The following PRLR variants were observed in gnomAD, a reference collection of about 807,000 sequenced individuals.
PRLR encodes prolactin receptor.
In PRLR, 13 loss-of-function variants were observed where a neutral mutation model predicts 40.2. That is an observed-to-expected ratio of 0.32 (90% CI 0.21 to 0.51). PRLR has a LOEUF of 0.51. Ranked by LOEUF, PRLR falls within the 20% of genes least tolerant of loss-of-function variation. The probability of loss-of-function intolerance (pLI) is 0.97; values close to 1 mark genes in which losing one functional copy is unlikely to be tolerated. For synonymous variants in PRLR, 269 were observed against 278.7 expected, an observed-to-expected ratio of 0.97 and a Z score of 0.35; for missense variants, 656 against 747.3, an observed-to-expected ratio of 0.88 and a Z score of 1.42.
chr5:35,205,664 G>C lies in PRLR; in HGVS notation c.-106+24604C>G, dbSNP rs143734118. 3.1e-4 allele frequency among the ~76,000 whole-genome samples: 47 copies of C among 152,196 alleles called. No homozygotes were observed. The East Asian group carries it at 8.3e-3, about 27-fold the overall frequency. ...ACTATGGGGGTTGGGCTGGGAGAAA[G>C]AAAAAGCCCCTAAAGAAGAACATAC... is the stretch of plus-strand genomic sequence containing the variant. On this transcript the variant is annotated intron_variant, in intron 1 of 9. Transcript: ENST00000618457.
Position 35,070,241 on chromosome 5 carries a change from CTGTT to C in PRLR, c.564_567del (p.Thr189SerfsTer43). The C allele has an allele frequency of 6.2e-7, 1 of 1,613,988 alleles. No individual in the cohort carries two copies. On this transcript the variant is annotated frameshift_variant, in exon 7 of 10. Transcript: ENST00000618457. LOFTEE classifies it high-confidence loss of function. ...GGATGTAGGCTGAGAATCTTAAACT[CTGTT>C]TGCTGCCCAGCAAAATGGATCTAAG...
intron 1 of PRLR, among the ~76,000 whole-genome samples, chr5:35,162,636 C>T (rs554361904): frequency 6.6e-5 from 10 of 152,252 alleles, no homozygotes; most frequent in South Asian, 2.1e-4. Context: ...CAGAGCTGAG[C>T]GGGATCTCAG....
At chr5:35,140,290 A>C (rs77063117) in intron 1 of PRLR, among the ~76,000 whole-genome samples, 4,950 of 152,298 alleles carry the variant, frequency 0.033, 298 homozygotes, top group African/African-American at 0.11. Flanking sequence ...ATTATTCCTG[A>C]AGCTTTTCAC....
At chr5:35,191,282 G>T (rs1188758398) in intron 1 of PRLR, among the ~76,000 whole-genome samples, 1 of 137,154 alleles carries the variant, frequency 7.3e-6, no homozygotes. Flanking sequence ...GTTTTAGCCG[G>T]GATGGTCTCG....
chr5:35,065,772 A>T lies in PRLR; in HGVS notation c.1186T>A (p.Cys396Ser). The T allele has an allele frequency of 6.2e-7, 1 of 1,614,096 alleles. No homozygotes were observed. ...GGGATTTTGCCTTCCATGCTTATGCACTGGGGGTCCCAGGTGTGGGTTGTT... is the reference window on the plus strand; with the variant it reads ...GGGATTTTGCCTTCCATGCTTATGCTCTGGGGGTCCCAGGTGTGGGTTGTT... ...PETTHTWDPQ[C>S]ISMEGKIPYF... is the part of the protein sequence containing the mutation. Residue 396 changes from cysteine (C) to serine (S), a missense_variant, in exon 10 of 10, where the codon TGC becomes AGC. Cys to Ser is a moderately radical substitution (Grantham distance 112). Coordinates refer to ENST00000618457, the MANE Select transcript of PRLR (RefSeq NM_000949.7).
intron 1 of PRLR, among the ~76,000 whole-genome samples, chr5:35,162,510 C>T (rs570033982): frequency 2.0e-5 from 3 of 152,264 alleles, no homozygotes; most frequent in South Asian, 2.1e-4. Flanking sequence ...TGAATTTTAC[C>T]GGATTCTTAT....
In PRLR at chr5:35,230,253, G is replaced by T. The variant is rs558495987; in HGVS notation, c.-106+15C>A. On this transcript the variant is annotated intron_variant, in intron 1 of 9. Coordinates refer to ENST00000618457, the MANE Select transcript of PRLR (RefSeq NM_000949.7). ...GCGCCGTCGGAGGCGGCCTCAGCTC[G>T]CCATGGGTACTCACTTTTGCCAGGG... 6.6e-6 allele frequency: 1 copy of T among 152,374 alleles called. No individual in the cohort carries two copies. The highest frequency in any genetic ancestry group is 2.4e-5 in the African/African-American group (1 of 41,578). The allele number at this position is 152,374 out of a possible 1,614,324, so 9.4% of individuals were successfully genotyped here.
intron 2 of PRLR, among the ~76,000 whole-genome samples, chr5:35,106,481 C>A (rs566886828): frequency 3.1e-4 from 47 of 152,282 alleles, no homozygotes; most frequent in African/African-American, 1.1e-3. Flanking sequence ...TCAGGAGACC[C>A]ACTTCTCATG....
intron 2 of PRLR, among the ~76,000 whole-genome samples, chr5:35,105,165 G>A (rs1237894118): frequency 2.0e-5 from 3 of 152,202 alleles, no homozygotes; most frequent in African/African-American, 4.8e-5. Flanking sequence ...GGTCCTGACT[G>A]TTAGAAGGAA....
chr5:35,133,470 C>T (rs1342453878), intron 1 of PRLR, among the ~76,000 whole-genome samples: 1 of 152,136 alleles, frequency 6.6e-6, no homozygotes, highest in East Asian at 1.9e-4. Context: ...CAAACTGATT[C>T]TTTAGGAATG....
chr5:35,168,685 C>G (rs1251128862), intron 1 of PRLR, among the ~76,000 whole-genome samples: 1 of 151,956 alleles, frequency 6.6e-6, no homozygotes, highest in Non-Finnish European at 1.5e-5. Flanking sequence ...CCAAAAGGAG[C>G]AATGAATAGG....
intron 1 of PRLR, among the ~76,000 whole-genome samples, chr5:35,166,449 A>G (rs1487400167): frequency 6.6e-6 from 1 of 152,150 alleles, no homozygotes; most frequent in Non-Finnish European, 1.5e-5. Flanking sequence ...TGTTTTTTCA[A>G]CTGTGTAATC....
rs201567575 is a variant in PRLR at position 35,208,179 on chromosome 5, A to G, written c.-106+22089T>C. ...CTCCTTCACACACCCACGCGCGCGCACACACACACACACACACACACACAC... is the reference window on the plus strand; with the variant it reads ...CTCCTTCACACACCCACGCGCGCGCGCACACACACACACACACACACACAC... On this transcript the variant is annotated intron_variant, in intron 1 of 9. Coordinates refer to ENST00000618457, the MANE Select transcript of PRLR (RefSeq NM_000949.7). Among the ~76,000 whole-genome samples, 493 of 146,112 alleles carry G rather than the reference A, an allele frequency of 3.4e-3. 9 individuals carry two copies. The East Asian group carries it at 0.037, about 11-fold the overall frequency.
Position 35,065,211 on chromosome 5 carries a change from G to A in PRLR, c.1747C>T (p.Leu583Phe). ...EESAKEAPPS[L>F]EQNQAEKALA... ...GCTTTCTCAGCTTGATTCTGTTCAA[G>A]TGATGGTGGGGCCTCTTTGGCTGAT... Residue 583 changes from leucine (L) to phenylalanine (F), a missense_variant, in exon 10 of 10, where the codon CTT becomes TTT. By Grantham distance (22) the Leu-to-Phe change is conservative. Transcript: ENST00000618457. 6.2e-7 allele frequency: 1 copy of A among 1,614,200 alleles called. No homozygotes were observed. Among genetic ancestry groups the A allele is most frequent in the Non-Finnish European group, 8.5e-7 (1 of 1,180,032 alleles).
chr5:35,168,824 G>A (rs756196463), intron 1 of PRLR, among the ~76,000 whole-genome samples: 3 of 152,062 alleles, frequency 2.0e-5, no homozygotes, highest in Non-Finnish European at 4.4e-5. Flanking sequence ...TTGATAAAAC[G>A]ATACTACAAG....
chr5:35,167,854 T>G (rs1774888145), intron 1 of PRLR, among the ~76,000 whole-genome samples: 1 of 133,852 alleles, frequency 7.5e-6, no homozygotes, highest in Non-Finnish European at 1.6e-5. Context: ...TTGTTTAAAA[T>G]TTTTATAAAG....
At chr5:35,113,221 C>A (rs1457471512) in intron 2 of PRLR, among the ~76,000 whole-genome samples, 2 of 146,468 alleles carry the variant, frequency 1.4e-5, no homozygotes, top group African/African-American at 5.0e-5. Flanking sequence ...AACCTACCCA[C>A]CCATCTTTCC....
At chr5:35,213,439 T>C (rs1211831564) in intron 1 of PRLR, among the ~76,000 whole-genome samples, 1 of 152,220 alleles carries the variant, frequency 6.6e-6, no homozygotes, top group Admixed American at 6.5e-5. Flanking sequence ...ACATTATGGA[T>C]TCTCACCTTA....
rs557695669 is a variant in PRLR at position 35,218,889 on chromosome 5, T to C, written c.-106+11379A>G. On this transcript the variant is annotated intron_variant, in intron 1 of 9. Coordinates refer to ENST00000618457, the MANE Select transcript of PRLR (RefSeq NM_000949.7). ...GAATAACTTTGGTTTCTTCAGTCTT[T>C]GATAAGTGGCAGGTGGGTGGGTACA... Among the ~76,000 whole-genome samples the C allele has an allele frequency of 3.9e-5, 6 of 152,280 alleles. No individual in the cohort carries two copies. In the South Asian group the frequency reaches 1.2e-3, roughly 32 times the overall value.
Sources: gnomAD v4.1 joint callset for allele counts (sites outside exome capture counted in the v4.1 genomes callset) on GRCh38, gnomAD v4.1.1 for gene constraint, MANE v1.5 for transcripts, NCBI Gene and HGNC (gene_info 2026-07-23, HGNC 2026-07-21) for gene names.